The following DOCK7 variants were observed in gnomAD, a reference collection of about 807,000 sequenced individuals.
DOCK7 encodes dedicator of cytokinesis 7.
Under a neutral mutation model 271.0 loss-of-function variants are expected in DOCK7, and 138 were observed. That is an observed-to-expected ratio of 0.51 (90% CI 0.44 to 0.59). The LOEUF (loss-of-function observed/expected upper bound fraction) is 0.59. DOCK7 is among the 20% of genes least tolerant of loss of function. The pLI is 0.00. For synonymous variants in DOCK7, 823 were observed against 876.1 expected, an observed-to-expected ratio of 0.94 and a Z score of 1.07; for missense variants, 2,066 against 2,592.4, an observed-to-expected ratio of 0.80 and a Z score of 4.41.
At chr1:62,663,823 C>T (rs1658960074) in intron 1 of DOCK7, among the ~76,000 whole-genome samples, 1 of 152,174 alleles carries the variant, frequency 6.6e-6, no homozygotes, top group Admixed American at 6.5e-5. Context: ...TTCTTTAGGG[C>T]TTAAGATACT....
intron 43 of DOCK7, chr1:62,483,348 C>G (rs566510986): frequency 7.3e-5 from 11 of 151,512 alleles, no homozygotes; most frequent in African/African-American, 2.2e-4. Context: ...CTTTCTTTTT[C>G]TTCTCAAAAG....
chr1:62,517,196 A>G (rs915249685), intron 31 of DOCK7, among the ~76,000 whole-genome samples: 1 of 152,238 alleles, frequency 6.6e-6, no homozygotes, highest in Non-Finnish European at 1.5e-5. Flanking sequence ...TCACCCTTGC[A>G]GTCAAACCTT....
intron 1 of DOCK7, among the ~76,000 whole-genome samples, chr1:62,686,537 T>G (rs543061176): frequency 6.6e-6 from 1 of 151,984 alleles, no homozygotes; most frequent in African/African-American, 2.4e-5. Context: ...GACCTAATTA[T>G]TTTACAAAAA....
At chr1:62,593,818 T>C (rs1648822544) in intron 14 of DOCK7, among the ~76,000 whole-genome samples, 2 of 152,098 alleles carry the variant, frequency 1.3e-5, no homozygotes. Flanking sequence ...AAACATACAA[T>C]AGGATCTTCC....
chr1:62,625,162 C>T, intron 12 of DOCK7, 97 bp downstream of exon 12: 1 of 1,079,086 alleles, frequency 9.3e-7, no homozygotes, highest in South Asian at 2.6e-5. Flanking sequence ...CTTGGAATCA[C>T]CCTCCCATAC....
chr1:62,507,239 T>C (rs1484086264), intron 35 of DOCK7, among the ~76,000 whole-genome samples: 13 of 152,066 alleles, frequency 8.5e-5, no homozygotes, highest in Admixed American at 8.5e-4. Flanking sequence ...GTAGTGGTAG[T>C]AGAAAAGGAA....
At chr1:62,515,767 T>C (rs897304974) in intron 31 of DOCK7, among the ~76,000 whole-genome samples, 11 of 152,190 alleles carry the variant, frequency 7.2e-5, no homozygotes, top group African/African-American at 2.2e-4. Context: ...CAAGATACTC[T>C]TGAAGAAGAA....
At chr1:62,581,372 G>C (rs1016437397) in intron 16 of DOCK7, among the ~76,000 whole-genome samples, 16 of 152,262 alleles carry the variant, frequency 1.1e-4, no homozygotes, top group African/African-American at 3.9e-4. Context: ...GAAAGACAAA[G>C]ATGTCTTAAA....
chr1:62,465,872 A>G (rs1645661974), intron 48 of DOCK7, among the ~76,000 whole-genome samples: 1 of 152,176 alleles, frequency 6.6e-6, no homozygotes, highest in Non-Finnish European at 1.5e-5. Flanking sequence ...TTTATCTCAT[A>G]TCAAAAATGC....
Position 62,475,304 on chromosome 1 carries a change from C to G in DOCK7, c.6009G>C (p.Lys2003Asn). Residue 2003 changes from lysine to asparagine, a missense_variant, in exon 47 of 50, where the codon AAG becomes AAC. Physicochemically the swap from Lys to Asn is moderately conservative, Grantham distance 94 (BLOSUM62 0). This residue lies in a region of DOCK7 where 652 missense variants were observed against 922.1 expected (regional missense o/e 0.71). Coordinates refer to ENST00000635253, the MANE Select transcript of DOCK7 (RefSeq NM_001367561.1). ...IEVAIEDMQK[K>N]TQELAFATHQ... ...GTGTTGCAAATGCCAACTCCTGTGT[C>G]TTTTTCTGCATGTCCTCAATAGCAA... The G allele has an allele frequency of 6.2e-7, 1 of 1,613,964 alleles. No individual in the cohort carries two copies. Among genetic ancestry groups the G allele is most frequent in the Non-Finnish European group, 8.5e-7 (1 of 1,179,942 alleles).
intron 14 of DOCK7, chr1:62,605,116 T>G: frequency 4.0e-6 from 1 of 250,480 alleles, no homozygotes; most frequent in South Asian, 6.0e-5. Context: ...ATAACTTTTC[T>G]AAATAAAAAA....
intron 30 of DOCK7, 109 bp downstream of exon 30, chr1:62,529,168 G>A: frequency 1.8e-6 from 2 of 1,110,772 alleles, no homozygotes; most frequent in South Asian, 2.1e-5. Flanking sequence ...ACTTTGATCA[G>A]CACACAATTC....
intron 21 of DOCK7, among the ~76,000 whole-genome samples, chr1:62,553,350 ATATATTTTTTTTTTTTTTTTTTTTTT>A (rs1208937167): frequency 3.4e-4 from 5 of 14,866 alleles, no homozygotes; most frequent in African/African-American, 1.1e-3. Flanking sequence ...ATATATATAT[ATATATTTTTTTTTTTTTTTTTTTTTT>A]TTTTTTTTTA....
chr1:62,682,967 A>T (rs1661337419), intron 1 of DOCK7, among the ~76,000 whole-genome samples: 1 of 152,242 alleles, frequency 6.6e-6, no homozygotes, highest in Non-Finnish European at 1.5e-5. Context: ...GAGACCTTTC[A>T]GGCTCAAGGG....
rs1181335941 is a variant in DOCK7 at position 62,688,265 on chromosome 1, G to A, written c.-1C>T. 15 of 1,309,866 alleles carry A rather than the reference G, an allele frequency of 1.1e-5. No homozygotes were observed. Among genetic ancestry groups the A allele is most frequent in the Non-Finnish European group, 1.5e-5 (15 of 1,020,098 alleles). The allele number at this position is 1,309,866 out of a possible 1,614,324, so 81.1% of individuals were successfully genotyped here. On this transcript the variant is annotated 5_prime_UTR_variant, in exon 1 of 50. Coordinates refer to ENST00000635253, the MANE Select transcript of DOCK7 (RefSeq NM_001367561.1). ...GGGCGAAGGCGCGGCGCTCGGCCAT[G>A]GCTGCTGCGGCGACGGCGACGGCGG...
At chr1:62,502,584 G>A (rs772056634) in intron 37 of DOCK7, among the ~76,000 whole-genome samples, 9 of 152,100 alleles carry the variant, frequency 5.9e-5, no homozygotes, top group Non-Finnish European at 1.3e-4. Context: ...CTCCCTTGGT[G>A]GTAATTACTG....
At chr1:62,563,134 GC>G (rs1392844910) in intron 18 of DOCK7, among the ~76,000 whole-genome samples, 1 of 152,136 alleles carries the variant, frequency 6.6e-6, no homozygotes, top group Non-Finnish European at 1.5e-5. Flanking sequence ...GTCAGCAAAG[GC>G]CTAGTGGAGA....
In DOCK7 at chr1:62,543,722, A is replaced by G. The variant is rs1422383375; in HGVS notation, c.2883T>C (p.Arg961=). 1 of 1,597,906 alleles carries G rather than the reference A, an allele frequency of 6.3e-7. No homozygotes were observed. The highest frequency in any genetic ancestry group is 1.7e-5 in the Admixed American group (1 of 59,862). The part of the protein sequence containing the change: ...STQAMDRSCN[R]MSSHTETSSF... ...TTGACGTCTCTGTGTGCGAAGACATACGATTACAACTTCGATCCATAGCCT... is the reference window on the plus strand; with the variant it reads ...TTGACGTCTCTGTGTGCGAAGACATGCGATTACAACTTCGATCCATAGCCT... Residue 961 remains arginine, a synonymous_variant, in exon 24 of 50, where the codon CGT becomes CGC. Transcript: ENST00000635253.
At chr1:62,494,693 T>G in intron 39 of DOCK7, 1 of 358,666 alleles carries the variant, frequency 2.8e-6, no homozygotes, top group Non-Finnish European at 5.0e-6. Context: ...AAAAAAGAAA[T>G]ACGCCATATT....
Sources: allele counts gnomAD v4.1 joint callset (sites outside exome capture counted in the v4.1 genomes callset), GRCh38; gene constraint gnomAD v4.1.1; regional missense constraint gnomAD v4.1.1; transcripts MANE v1.5; gene names NCBI Gene and HGNC (gene_info 2026-07-23, HGNC 2026-07-21).